The following COL4A6 variants were observed in gnomAD, a reference collection of about 807,000 sequenced individuals.
The protein encoded by COL4A6 is collagen alpha-6(IV) chain.
Under a neutral mutation model 126.7 loss-of-function variants are expected in COL4A6, and 59 were observed. The ratio of observed to expected loss-of-function variants is 0.47; its 90% CI spans 0.38 to 0.58. The LOEUF (loss-of-function observed/expected upper bound fraction) is 0.58. Among genes scored for constraint, COL4A6 ranks in the 20% least tolerant of loss-of-function variants. The pLI is 0.00. For synonymous variants in COL4A6, 547 were observed against 496.6 expected (o/e 1.10, Z -1.35); for missense variants, 1,285 against 1,337.3 (o/e 0.96, Z 0.61).
intron 2 of COL4A6, among the ~76,000 whole-genome samples, chrX:108,428,948 T>A (rs916138894): frequency 8.0e-5 from 9 of 112,234 alleles, no homozygotes; most frequent in African/African-American, 2.9e-4. Context: ...TACTCCTGGA[T>A]ACCTACCCAA....
chrX:108,248,570 T>C (rs1274467972), intron 3 of COL4A6, among the ~76,000 whole-genome samples: 1 of 111,083 alleles, frequency 9.0e-6, no homozygotes, highest in African/African-American at 3.3e-5. Flanking sequence ...GCTACACCAC[T>C]ACAAAACTCT....
chrX:108,204,183 C>T (rs1441437575), intron 12 of COL4A6, 137 bp downstream of exon 12: 8 of 401,272 alleles, frequency 2.0e-5, no homozygotes, highest in Non-Finnish European at 3.1e-5. Context: ...AGGCTTTTTA[C>T]TCTCACTTCT....
rs778887836 is a variant in COL4A6, at chrX:108,171,454, G to A, written c.3210C>T (p.Asn1070=). The A allele has an allele frequency of 9.1e-6, 11 of 1,204,744 alleles. No homozygotes were observed. The highest frequency in any genetic ancestry group is 5.9e-5 in the East Asian group (2 of 33,738). Residue 1070 remains asparagine (N), a synonymous_variant, in exon 33 of 45, where the codon AAC becomes AAT. Transcript: ENST00000334504. ...ASGLPGLKGD[N]GQTVEISGSP... ...TACCGGAAATTTCAACTGTCTGGCCGTTGTCTCCTGAGGATTCCAATACAT... is the reference window on the plus strand; with the variant it reads ...TACCGGAAATTTCAACTGTCTGGCCATTGTCTCCTGAGGATTCCAATACAT...
At chrX:108,348,189 T>G (rs1045234097) in intron 2 of COL4A6, among the ~76,000 whole-genome samples, 3 of 111,746 alleles carry the variant, frequency 2.7e-5, no homozygotes, top group Admixed American at 9.5e-5. Context: ...CAGATAACAA[T>G]CCCCATTAGC....
chrX:108,389,018 T>C (rs2040769759), intron 2 of COL4A6, among the ~76,000 whole-genome samples: 1 of 111,774 alleles, frequency 8.9e-6, no homozygotes, highest in Admixed American at 9.5e-5. Flanking sequence ...CAGGTAATTG[T>C]GTGGTTTTGA....
intron 2 of COL4A6, among the ~76,000 whole-genome samples, chrX:108,389,244 G>C (rs2040775523): frequency 9.0e-6 from 1 of 111,656 alleles, no homozygotes. Flanking sequence ...ACTTGACCCA[G>C]AGCTGAGTTC....
intron 2 of COL4A6, among the ~76,000 whole-genome samples, chrX:108,347,939 G>T (rs765491180): frequency 5.4e-5 from 6 of 110,256 alleles, no homozygotes; most frequent in Non-Finnish European, 9.5e-5. Flanking sequence ...GGGCTGAGCT[G>T]CAGGCAGCAG....
At chrX:108,165,272 T>A in intron 38 of COL4A6, 98 bp downstream of exon 38, 1 of 815,186 alleles carries the variant, frequency 1.2e-6, no homozygotes, top group Non-Finnish European at 1.9e-6. Context: ...CGCCCACATA[T>A]GTCCAGCAAC....
At chrX:108,183,832 G>A in intron 23 of COL4A6, 2 of 778,212 alleles carry the variant, frequency 2.6e-6, no homozygotes, top group African/African-American at 2.1e-5. Context: ...GGGGCCCAAG[G>A]GAAGTCTTCT....
intron 2 of COL4A6, among the ~76,000 whole-genome samples, chrX:108,349,125 C>T (rs2039782427): frequency 8.9e-6 from 1 of 111,905 alleles, no homozygotes; most frequent in Admixed American, 9.5e-5. Context: ...GTTAAATTTT[C>T]CCTCTAATTC....
chrX:108,248,564 C>T (rs745882813), intron 3 of COL4A6, among the ~76,000 whole-genome samples: 18 of 111,090 alleles, frequency 1.6e-4, no homozygotes, highest in Non-Finnish European at 1.9e-5. Flanking sequence ...CCACCTGCTA[C>T]ACCACTACAA....
intron 3 of COL4A6, among the ~76,000 whole-genome samples, chrX:108,281,307 C>T (rs749092278): frequency 1.7e-3 from 149 of 87,894 alleles, no homozygotes; most frequent in African/African-American, 5.6e-3. Flanking sequence ...TCTCAGGATA[C>T]AAAATCAATG....
intron 2 of COL4A6, among the ~76,000 whole-genome samples, chrX:108,414,771 A>AAC (rs199827866): frequency 0.015 from 1,647 of 111,325 alleles, 26 homozygotes; most frequent in African/African-American, 0.051. Context: ...CAGCCTGGGC[A>AAC]ACAGAGTGAG....
intron 27 of COL4A6, among the ~76,000 whole-genome samples, chrX:108,177,897 C>T (rs757403405): frequency 9.0e-6 from 1 of 111,364 alleles, no homozygotes; most frequent in East Asian, 2.8e-4. Context: ...GCTCAGGGAT[C>T]CCTGGCCTTG....
At chrX:108,272,972 A>G (rs946935299) in intron 3 of COL4A6, among the ~76,000 whole-genome samples, 2 of 109,821 alleles carry the variant, frequency 1.8e-5, no homozygotes, top group African/African-American at 6.6e-5. Flanking sequence ...TCTAGGGTAC[A>G]TGTGCACAAC....
intron 19 of COL4A6, 143 bp downstream of exon 19, chrX:108,191,250 G>C (rs2035030847): frequency 3.0e-6 from 2 of 677,804 alleles, no homozygotes; most frequent in Non-Finnish European, 2.2e-6. Flanking sequence ...AGACGACGGG[G>C]CCTTCATGGC....
chrX:108,175,888 T>C (rs2034471360), intron 28 of COL4A6, 91 bp from the exon 29 acceptor site: 1 of 744,921 alleles, frequency 1.3e-6, no homozygotes, highest in Admixed American at 3.7e-5. Context: ...CCCAAAGTCA[T>C]ACAGCAAGGA....
At chrX:108,258,391 C>T (rs948164829) in intron 3 of COL4A6, among the ~76,000 whole-genome samples, 2 of 111,777 alleles carry the variant, frequency 1.8e-5, no homozygotes, top group African/African-American at 6.5e-5. Context: ...AGGTATAAGT[C>T]ACTTAGCTAA....
At chrX:108,200,377 T>C (rs2035354241) in intron 13 of COL4A6, among the ~76,000 whole-genome samples, 1 of 112,563 alleles carries the variant, frequency 8.9e-6, no homozygotes, top group Non-Finnish European at 1.9e-5. Context: ...TACATCTCAT[T>C]TCAGATCAGC....
Sources: allele counts gnomAD v4.1 joint callset (sites outside exome capture counted in the v4.1 genomes callset), GRCh38; gene constraint gnomAD v4.1.1; transcripts MANE v1.5; gene names NCBI Gene and HGNC (gene_info 2026-07-23, HGNC 2026-07-21).